Variants in NFATC1 observed in about 807,000 individuals in gnomAD.
NFATC1 encodes nuclear factor of activated T-cells, cytoplasmic 1.
In NFATC1, 22 loss-of-function variants were observed where a neutral mutation model predicts 76.0. That is an observed-to-expected ratio of 0.29 (90% confidence interval 0.21 to 0.41). The LOEUF (loss-of-function observed/expected upper bound fraction) is 0.41. NFATC1 is among the 10% of genes least tolerant of loss of function. The pLI, the probability that NFATC1 is intolerant of heterozygous loss-of-function variation, is 1.00. For synonymous variants in NFATC1, 704 were observed against 613.1 expected (o/e 1.15, Z -2.19); for missense variants, 1,357 against 1,337.7 (o/e 1.01, Z -0.23).
chr18:79,493,334 G>GGCCCGCTGCGGT (rs1330433881), intron 9 of NFATC1: 1 of 152,274 alleles, frequency 6.6e-6, no homozygotes, highest in African/African-American at 2.4e-5. Flanking sequence ...AGGCGCTCGG[G>GGCCCGCTGCGGT]GCCCGCTGCG....
In NFATC1 at chr18:79,527,610, T is replaced by C. The variant is rs772721327; in HGVS notation, c.*33T>C. On this transcript the variant is annotated 3_prime_UTR_variant, in exon 10 of 10. Coordinates refer to ENST00000427363, the MANE Select transcript of NFATC1 (RefSeq NM_001278669.2). ...ATTGGAGCACTCAGTTCAGCAGGGG[T>C]ATGCTGACTTCAGCAGACAAAGACT... is the stretch of plus-strand genomic sequence containing the variant. 3 of 1,594,930 alleles carry C rather than the reference T, an allele frequency of 1.9e-6. No homozygotes were observed. The South Asian group carries it at 3.3e-5, about 18-fold the overall frequency.
chr18:79,488,905 G>T (rs1420331545), intron 9 of NFATC1, among the ~76,000 whole-genome samples: 2 of 151,628 alleles, frequency 1.3e-5, no homozygotes, highest in Admixed American at 1.3e-4. Flanking sequence ...TGTTTCTGCT[G>T]CCCTGTGGCC....
Position 79,396,244 on chromosome 18 carries a change from C to T in NFATC1, c.20C>T (p.Pro7Leu). ...GCGCGGATGCCAAGCACCAGCTTTC[C>T]AGTCCCTTCCAAGTTTCCACTTGGC... Reference protein sequence around the residue: MPSTSFPVPSKFPLGPA... With the variant: MPSTSFLVPSKFPLGPA... Residue 7 changes from proline to leucine, a missense_variant, in exon 1 of 10, where the codon CCA (proline) becomes CTA (leucine). By Grantham distance (98) the Pro-to-Leu change is moderately conservative. Around this residue, in one of 3 missense-constraint regions of NFATC1, gnomAD observed 691 missense variants for 613.1 expected, o/e 1.13. Coordinates refer to ENST00000427363, the MANE Select transcript of NFATC1 (RefSeq NM_001278669.2). The T allele has an allele frequency of 6.7e-7, 1 of 1,498,442 alleles. No individual in the cohort carries two copies. The highest frequency in any genetic ancestry group is 1.5e-5 in the African/African-American group (1 of 68,926). The allele number at this position is 1,498,442 out of a possible 1,614,324, so 92.8% of individuals were successfully genotyped here.
intron 2 of NFATC1, among the ~76,000 whole-genome samples, chr18:79,416,781 C>T (rs1216725847): frequency 6.6e-6 from 1 of 152,234 alleles, no homozygotes; most frequent in Admixed American, 6.5e-5. Context: ...CTCGAAGCCA[C>T]GTCGCCCTGG....
intron 8 of NFATC1, among the ~76,000 whole-genome samples, chr18:79,474,655 G>T (rs34177656): frequency 1.4e-5 from 2 of 142,776 alleles, no homozygotes; most frequent in East Asian, 2.3e-4. Context: ...CACTGTCAAC[G>T]TTGTAAACCT....
chr18:79,507,707 G>A (rs530198769), intron 9 of NFATC1, among the ~76,000 whole-genome samples: 149 of 152,380 alleles, frequency 9.8e-4, no homozygotes, highest in African/African-American at 3.2e-3. Flanking sequence ...ACCCCCACCC[G>A]TGATGTGTTG....
intron 8 of NFATC1, chr18:79,470,173 C>T (rs1016529767): frequency 2.0e-5 from 4 of 204,934 alleles, no homozygotes; most frequent in African/African-American, 2.4e-5. Flanking sequence ...CCATGTGGTC[C>T]GAGAGATAGT....
intron 2 of NFATC1, 48 bp from the exon 3 acceptor site, chr18:79,433,531 C>T (rs759089114): frequency 1.4e-5 from 22 of 1,609,670 alleles, no homozygotes; most frequent in Admixed American, 5.0e-5. Flanking sequence ...GTGGCCCGGG[C>T]GAGGTCTGTG....
intron 3 of NFATC1, among the ~76,000 whole-genome samples, chr18:79,439,657 A>G (rs921899665): frequency 1.3e-5 from 2 of 152,322 alleles, no homozygotes; most frequent in Non-Finnish European, 2.9e-5. Flanking sequence ...GAGAGCACAC[A>G]TGGTTGCCGT....
chr18:79,484,902 C>T (rs1177768832), intron 8 of NFATC1, among the ~76,000 whole-genome samples: 5 of 152,350 alleles, frequency 3.3e-5, no homozygotes, highest in South Asian at 2.1e-4. Flanking sequence ...GGTGCTCCGG[C>T]GTCTCGAGCT....
At chr18:79,485,831 T>TA (rs1245863212) in intron 8 of NFATC1, among the ~76,000 whole-genome samples, 3 of 152,268 alleles carry the variant, frequency 2.0e-5, no homozygotes, top group Non-Finnish European at 4.4e-5. Context: ...TACTGACTCC[T>TA]GAAAGCCGTC....
At chr18:79,493,521 G>C (rs901920577) in intron 9 of NFATC1, 1 of 151,420 alleles carries the variant, frequency 6.6e-6, no homozygotes, top group Non-Finnish European at 1.5e-5. Flanking sequence ...TGGGTTTAAA[G>C]TCTCCATGTC....
At chr18:79,460,150 C>G (rs2087987013) in intron 6 of NFATC1, among the ~76,000 whole-genome samples, 1 of 152,178 alleles carries the variant, frequency 6.6e-6, no homozygotes, top group Non-Finnish European at 1.5e-5. Context: ...GCTCTGGGGT[C>G]CTGTGTGACT....
At chr18:79,497,876 G>C (rs188456007) in intron 9 of NFATC1, 1 of 152,216 alleles carries the variant, frequency 6.6e-6, no homozygotes, top group Admixed American at 6.5e-5. Context: ...GCTAACCAGA[G>C]GGTGATCCCT....
intron 2 of NFATC1, among the ~76,000 whole-genome samples, chr18:79,411,755 C>T (rs1357791628): frequency 1.3e-5 from 2 of 152,230 alleles, no homozygotes; most frequent in Non-Finnish European, 2.9e-5. Context: ...GTCTCCAGAT[C>T]CTCTCGGGCC....
chr18:79,469,906 A>G, intron 8 of NFATC1: 1 of 985,454 alleles, frequency 1.0e-6, no homozygotes, highest in Non-Finnish European at 1.2e-6. Context: ...TGAGCCCCTC[A>G]GGCAGAGCCC....
intron 9 of NFATC1, among the ~76,000 whole-genome samples, chr18:79,508,009 A>T (rs1205626085): frequency 1.3e-5 from 2 of 152,278 alleles, no homozygotes; most frequent in African/African-American, 4.8e-5. Flanking sequence ...AGCGGGCTGT[A>T]AACTACCGTA....
intron 2 of NFATC1, among the ~76,000 whole-genome samples, chr18:79,426,036 A>AC (rs2086317023): frequency 6.6e-6 from 1 of 151,680 alleles, no homozygotes; most frequent in South Asian, 2.1e-4. Flanking sequence ...ACATGGAGAG[A>AC]CCCCATCTCT....
At chr18:79,448,067 C>T (rs1283051267) in intron 3 of NFATC1, among the ~76,000 whole-genome samples, 1 of 152,226 alleles carries the variant, frequency 6.6e-6, no homozygotes, top group East Asian at 1.9e-4. Context: ...GGAGTCCTGT[C>T]CCAGTGGTGT....
Sources: allele counts gnomAD v4.1 joint callset (sites outside exome capture counted in the v4.1 genomes callset), GRCh38; gene constraint gnomAD v4.1.1; regional missense constraint gnomAD v4.1.1; transcripts MANE v1.5; gene names NCBI Gene and HGNC (gene_info 2026-07-23, HGNC 2026-07-21).